The following ELMO1 variants were observed in gnomAD, a reference collection of about 807,000 sequenced individuals.
ELMO1 encodes the protein engulfment and cell motility protein 1.
ELMO1 carries 26 observed loss-of-function variants against 98.9 expected under a neutral mutation model. That is an observed-to-expected ratio of 0.26 (90% CI 0.19 to 0.36). The LOEUF is 0.36. Among genes scored for constraint, ELMO1 ranks in the 10% least tolerant of loss-of-function variants. The pLI, the probability that ELMO1 is intolerant of heterozygous loss-of-function variation, is 1.00. For missense variants in ELMO1, 627 were observed against 935.2 expected, an observed-to-expected ratio of 0.67 and a Z score of 4.30; for synonymous variants, 346 against 346.0, an observed-to-expected ratio of 1.00 and a Z score of 0.00.
intron 16 of ELMO1, among the ~76,000 whole-genome samples, chr7:36,932,063 G>C (rs1229256393): frequency 6.6e-6 from 1 of 150,462 alleles, no homozygotes; most frequent in Non-Finnish European, 1.5e-5. Flanking sequence ...GCTCTTTGGA[G>C]AGTTAACTTC....
intron 1 of ELMO1, among the ~76,000 whole-genome samples, chr7:37,406,583 T>G (rs564844269): frequency 2.0e-5 from 3 of 151,404 alleles, no homozygotes; most frequent in Non-Finnish European, 2.9e-5. Flanking sequence ...GCAGCTACCA[T>G]CACGCCCGGA....
intron 16 of ELMO1, among the ~76,000 whole-genome samples, chr7:36,912,498 C>T (rs566912358): frequency 7.9e-5 from 12 of 152,214 alleles, no homozygotes; most frequent in South Asian, 2.1e-4. Flanking sequence ...CAAATCCAAA[C>T]GGATTTATTT....
intron 16 of ELMO1, among the ~76,000 whole-genome samples, chr7:36,945,460 G>A (rs888921197): frequency 2.0e-5 from 3 of 152,134 alleles, no homozygotes; most frequent in Non-Finnish European, 4.4e-5. Context: ...CCTCAGTGAC[G>A]GGCATTTAAC....
At chr7:37,170,795 C>T (rs550227077) in intron 13 of ELMO1, among the ~76,000 whole-genome samples, 15 of 151,836 alleles carry the variant, frequency 9.9e-5, no homozygotes, top group South Asian at 2.1e-4. Flanking sequence ...TTAGTAGAGA[C>T]GGGGTTTCAA....
chr7:37,163,322 G>A lies in ELMO1; in HGVS notation c.1087-30088C>T, dbSNP rs187095375. Among the ~76,000 whole-genome samples, 981 of 134,126 alleles carry A rather than the reference G, an allele frequency of 7.3e-3. 4 individuals carry two copies. The highest frequency in any genetic ancestry group is 0.015 in the South Asian group (57 of 3,794). The allele number at this position is 134,126 out of a possible 152,430, so 88.0% of individuals were successfully genotyped here. A position where few individuals can be genotyped will look rare whatever the true frequency, so the allele number is the denominator to read the frequency against. On this transcript the variant is annotated intron_variant, in intron 13 of 21. Transcript: ENST00000310758. ...ATTATTAAATATCAGGTATTATAGG[G>A]TATAAGCCAGTGTTCTTTTTTTTTT...
At chr7:36,956,052 G>A (rs1250987678) in intron 16 of ELMO1, among the ~76,000 whole-genome samples, 2 of 152,092 alleles carry the variant, frequency 1.3e-5, no homozygotes, top group African/African-American at 2.4e-5. Context: ...ACACAGTGTC[G>A]TGATGCAAAG....
chr7:36,946,739 C>T (rs1200328040), intron 16 of ELMO1, among the ~76,000 whole-genome samples: 2 of 152,180 alleles, frequency 1.3e-5, no homozygotes, highest in Admixed American at 6.5e-5. Context: ...TCTTCTCCTG[C>T]CTGTCTCTTA....
intron 1 of ELMO1, chr7:37,435,250 A>T (rs1805096482): frequency 6.6e-6 from 1 of 152,270 alleles, no homozygotes; most frequent in Non-Finnish European, 1.5e-5. Context: ...GAATATTTCC[A>T]AATCAAATGC....
At chr7:37,141,211 G>A (rs186209500) in intron 13 of ELMO1, among the ~76,000 whole-genome samples, 3 of 152,320 alleles carry the variant, frequency 2.0e-5, no homozygotes, top group Admixed American at 6.5e-5. Context: ...AGCCATAAAA[G>A]AGAATGAAAT....
At chr7:37,313,838 C>T (rs1047333588) in intron 4 of ELMO1, among the ~76,000 whole-genome samples, 1 of 152,184 alleles carries the variant, frequency 6.6e-6, no homozygotes, top group Non-Finnish European at 1.5e-5. Context: ...ACACTGAAGC[C>T]TGAGGCCACC....
chr7:37,417,939 G>T (rs1356899395), intron 1 of ELMO1, among the ~76,000 whole-genome samples: 2 of 152,124 alleles, frequency 1.3e-5, no homozygotes, highest in African/African-American at 4.8e-5. Context: ...CACAAGCCAA[G>T]GACCACCTGG....
intron 16 of ELMO1, among the ~76,000 whole-genome samples, chr7:36,950,707 G>A (rs941485526): frequency 2.6e-5 from 4 of 152,176 alleles, no homozygotes; most frequent in Non-Finnish European, 4.4e-5. Flanking sequence ...AAGACATTGC[G>A]CTAGAGGGAC....
chr7:37,292,743 G>C (rs1188369188), intron 4 of ELMO1, among the ~76,000 whole-genome samples: 2 of 85,626 alleles, frequency 2.3e-5, no homozygotes, highest in African/African-American at 8.2e-5. Flanking sequence ...AGGTGGGGGG[G>C]TCAGCCCCCC....
intron 1 of ELMO1, among the ~76,000 whole-genome samples, chr7:37,390,587 A>G (rs1803024349): frequency 6.6e-6 from 1 of 152,152 alleles, no homozygotes. Context: ...TTCTATTTCT[A>G]ATCCTTTTCA....
chr7:37,340,294 G>A (rs1309354157), intron 2 of ELMO1, among the ~76,000 whole-genome samples: 1 of 152,194 alleles, frequency 6.6e-6, no homozygotes, highest in East Asian at 1.9e-4. Context: ...AGTGTTCAGG[G>A]GTGAAGGGGG....
intron 16 of ELMO1, among the ~76,000 whole-genome samples, chr7:36,917,209 T>G (rs1169541786): frequency 6.6e-6 from 1 of 152,214 alleles, no homozygotes; most frequent in African/African-American, 2.4e-5. Flanking sequence ...CCTTGGGCAG[T>G]AGTACTGAAT....
chr7:37,001,749 G>A lies in ELMO1; in HGVS notation c.1437+11550C>T, dbSNP rs947701414. Among the ~76,000 whole-genome samples, 3 of 152,318 alleles carry A rather than the reference G, an allele frequency of 2.0e-5. No individual in the cohort carries two copies. The South Asian group carries it at 6.2e-4, about 32-fold the overall frequency. On this transcript the variant is annotated intron_variant, in intron 16 of 21. Transcript: ENST00000310758. ...CATGAAAATGCAATTGCACGTACAA[G>A]AGCAGTTCAGGTAGAGCCTAGGGTA...
At chr7:37,253,111 G>A (rs893206827) in intron 6 of ELMO1, among the ~76,000 whole-genome samples, 19 of 152,244 alleles carry the variant, frequency 1.2e-4, no homozygotes, top group Middle Eastern at 3.4e-3. Context: ...AAATGGGAAC[G>A]CTTTTACACT....
chr7:37,183,511 G>C (rs907276187), intron 13 of ELMO1, among the ~76,000 whole-genome samples: 1 of 151,940 alleles, frequency 6.6e-6, no homozygotes, highest in Non-Finnish European at 1.5e-5. Flanking sequence ...CAGGGGAAGA[G>C]ATAAGAAAGG....
Sources: allele counts gnomAD v4.1 joint callset (sites outside exome capture counted in the v4.1 genomes callset), GRCh38; gene constraint gnomAD v4.1.1; transcripts MANE v1.5; gene names NCBI Gene and HGNC (gene_info 2026-07-23, HGNC 2026-07-21).